CHD3: variants seen among roughly 807,000 people sequenced by gnomAD.
The protein encoded by CHD3 is ATP-dependent chromatin remodeler CHD3.
Under a neutral mutation model 248.9 loss-of-function variants are expected in CHD3, and 52 were observed. The ratio of observed to expected loss-of-function variants is 0.21; its 90% CI spans 0.17 to 0.26. The LOEUF is 0.26. CHD3 is among the 10% of genes least tolerant of loss of function. The pLI is 1.00. For synonymous variants in CHD3, 985 were observed against 985.2 expected (o/e 1.00, Z 0.00); for missense variants, 1,482 against 2,605.8 (o/e 0.57, Z 9.39).
In CHD3 at chr17:7,904,954, G is replaced by T; in HGVS notation, c.4073-146G>T. 1.4e-6 allele frequency: 1 copy of T among 740,126 alleles called. No individual in the cohort carries two copies. Among genetic ancestry groups the T allele is most frequent in the Non-Finnish European group, 2.3e-6 (1 of 426,810 alleles). 45.8% of individuals were successfully genotyped at this position (740,126 alleles called of 1,614,324 possible). A position where few individuals can be genotyped will look rare whatever the true frequency, so the allele number is the denominator to read the frequency against. ...ATATGCGGCTCCCAAGTCAGACTTT[G>T]GGCAGTGATCTGGTGTTCCCAGAAG... On this transcript the variant is annotated intron_variant, in intron 25 of 39. Coordinates refer to ENST00000330494, the MANE Select transcript of CHD3 (RefSeq NM_001005273.3). The surrounding 1 kb of genome is among the most constrained non-coding windows in gnomAD (Gnocchi z 4.4).
intron 10 of CHD3, among the ~76,000 whole-genome samples, chr17:7,896,193 A>T (rs1388935285): frequency 7.0e-6 from 1 of 143,206 alleles, no homozygotes; most frequent in Admixed American, 7.2e-5. Flanking sequence ...GTGTCCCTGC[A>T]CTTCAGCCTG....
Position 7,906,150 on chromosome 17 carries a change from G to A in CHD3, c.4358+161G>A. On this transcript the variant is annotated intron_variant, in intron 28 of 39. Coordinates refer to ENST00000330494, the MANE Select transcript of CHD3 (RefSeq NM_001005273.3). This position sits in a 1 kb window ranked among gnomAD's most constrained non-coding sequence, Gnocchi z 5.0. ...CTCGATTTCCTGGGGGGTGGTCTCA[G>A]CCCACTCCACCTCCCCTCAGCCGAG... 8.9e-7 allele frequency: 1 copy of A among 1,128,332 alleles called. No individual in the cohort carries two copies. The highest frequency in any genetic ancestry group is 1.3e-6 in the Non-Finnish European group (1 of 750,884). The allele number at this position is 1,128,332 out of a possible 1,614,324, so 69.9% of individuals were successfully genotyped here.
intron 6 of CHD3, 44 bp downstream of exon 6, chr17:7,893,979 A>C (rs201232886): frequency 5.7e-6 from 9 of 1,572,846 alleles, no homozygotes; most frequent in Non-Finnish European, 7.7e-6. Flanking sequence ...GGGGCCAAGG[A>C]TCCAGAGACA....
At chr17:7,892,939 T>C (rs2151489952) in intron 4 of CHD3, among the ~76,000 whole-genome samples, 1 of 152,004 alleles carries the variant, frequency 6.6e-6, no homozygotes, top group African/African-American at 2.4e-5. Flanking sequence ...CCCAGCTAAT[T>C]ATTTTTTTTT....
rs751264217 is a variant in CHD3 at position 7,893,934 on chromosome 17, C to T, written c.923C>T (p.Ser308Leu). ...GGTGGCAAGAGGAAGAAAGGAGGCT[C>T]GGTGAGTGACCCGTCCCTGTCTACT... ...LLGGKRKKGG[S>L]YVFQSDEGPE... The change falls in exon 6 of 40, where the codon TCG (serine) becomes TTG (leucine). Residue 308 changes from serine to leucine, a missense_variant and splice_region_variant. Physicochemically the swap from Ser to Leu is moderately radical, Grantham distance 145 (BLOSUM62 -2). Around this residue, in one of 20 missense-constraint regions of CHD3, gnomAD observed 149 missense variants for 182.6 expected, o/e 0.82. Coordinates refer to ENST00000330494, the MANE Select transcript of CHD3 (RefSeq NM_001005273.3). The T allele has an allele frequency of 3.7e-6, 6 of 1,614,006 alleles. No individual in the cohort carries two copies. The highest frequency in any genetic ancestry group is 2.2e-5 in the South Asian group (2 of 91,056).
Position 7,895,649 on chromosome 17 carries a change from A to C in CHD3, c.1707+107A>C. On this transcript the variant is annotated intron_variant, in intron 10 of 39. Coordinates refer to ENST00000330494, the MANE Select transcript of CHD3 (RefSeq NM_001005273.3). This position sits in a 1 kb window ranked among gnomAD's most constrained non-coding sequence, Gnocchi z 4.9. The stretch of plus-strand genomic sequence containing the variant: ...GTTCCCATACTCTTTGTTTTCTCTC[A>C]TTTCAGGCCTGTGGCCTTCATACCC... 9.7e-7 allele frequency: 1 copy of C among 1,034,136 alleles called. No individual in the cohort carries two copies. The highest frequency in any genetic ancestry group is 1.4e-6 in the Non-Finnish European group (1 of 690,292). The allele number at this position is 1,034,136 out of a possible 1,614,324, so 64.1% of individuals were successfully genotyped here.
rs898213680 is a variant in CHD3 at position 7,889,849 on chromosome 17, G to A, written c.213+73G>A. 5.7e-6 allele frequency: 8 copies of A among 1,412,458 alleles called. No homozygotes were observed. The highest frequency in any genetic ancestry group is 3.9e-5 in the Admixed American group (2 of 50,764). The allele number at this position is 1,412,458 out of a possible 1,614,324, so 87.5% of individuals were successfully genotyped here. ...TTCTCAGAGACCTACATTTTCTCTG[G>A]TCCTGATTACTGGTGTGGGGGTGGG... On this transcript the variant is annotated intron_variant, in intron 2 of 39. Coordinates refer to ENST00000330494, the MANE Select transcript of CHD3 (RefSeq NM_001005273.3). The surrounding 1 kb of genome is among the most constrained non-coding windows in gnomAD (Gnocchi z 4.5).
rs540601165 is a variant in CHD3 at position 7,908,529 on chromosome 17, G to A, written c.5261+19G>A. On this transcript the variant is annotated intron_variant, in intron 35 of 39. Transcript: ENST00000330494. This position sits in a 1 kb window ranked among gnomAD's most constrained non-coding sequence, Gnocchi z 5.8. ...TTGTCCTGTATCCTTTGATACACAT[G>A]CAAGAAGGAAAAGGTTCTCTCAAGC... 5.7e-5 allele frequency: 91 copies of A among 1,594,142 alleles called. 3 individuals carry two copies. The highest frequency in any genetic ancestry group is 3.9e-4 in the South Asian group (35 of 89,268).
chr17:7,888,722 G>A, upstream of CHD3: 2 of 889,660 alleles, frequency 2.2e-6, no homozygotes, highest in Non-Finnish European at 3.0e-6. Context: ...GTGTGTGTGG[G>A]TGTGGGTGCG....
At position 7,902,738 on chromosome 17, in the gene CHD3, T is replaced by TAG; in HGVS notation, c.3370+12_3370+13insGA. The TAG allele has an allele frequency of 1.9e-6, 3 of 1,608,194 alleles. No homozygotes were observed. Among genetic ancestry groups the TAG allele is most frequent in the Non-Finnish European group, 2.6e-6 (3 of 1,175,012 alleles). ...TCGATCGGTTTAATGGTGAGGGAGA[T>TAG]ACACTGGTCCCTGGTGGGTGTGGGA... On this transcript the variant is annotated intron_variant, in intron 21 of 39. Coordinates refer to ENST00000330494, the MANE Select transcript of CHD3 (RefSeq NM_001005273.3).
At chr17:7,885,715 C>T (rs1450061359), upstream of CHD3, among the ~76,000 whole-genome samples, 1 of 152,126 alleles carries the variant, frequency 6.6e-6, no homozygotes, top group African/African-American at 2.4e-5. Flanking sequence ...TCCATCGGAC[C>T]CCCCTCCACC....
chr17:7,909,020 G>T lies in CHD3; in HGVS notation c.5395-123G>T. The T allele has an allele frequency of 7.0e-7, 1 of 1,431,216 alleles. No homozygotes were observed. The highest frequency in any genetic ancestry group is 1.4e-5 in the African/African-American group (1 of 70,570). 88.7% of individuals were successfully genotyped at this position (1,431,216 alleles called of 1,614,324 possible). On this transcript the variant is annotated intron_variant, in intron 36 of 39. Transcript: ENST00000330494. The surrounding 1 kb of genome is among the most constrained non-coding windows in gnomAD (Gnocchi z 8.1). ...TTGCTGCTAGGTTCGCAGTCGGTTTGGAGCTGGGAGTGCCCTGGGCCAGCA... is the reference window on the plus strand; with the variant it reads ...TTGCTGCTAGGTTCGCAGTCGGTTTTGAGCTGGGAGTGCCCTGGGCCAGCA...
Position 7,908,808 on chromosome 17 carries a change from G to A in CHD3, c.5373G>A (p.Lys1791=), listed in dbSNP as rs991817080. The A allele has an allele frequency of 2.5e-6, 4 of 1,614,172 alleles. No homozygotes were observed. Among genetic ancestry groups the A allele is most frequent in the Admixed American group, 1.7e-5 (1 of 60,030 alleles). The change falls in exon 36 of 40, where the codon AAG becomes AAA. Residue 1791 remains lysine (K), a synonymous_variant. Coordinates refer to ENST00000330494, the MANE Select transcript of CHD3 (RefSeq NM_001005273.3). This position sits in a 1 kb window ranked among gnomAD's most constrained non-coding sequence, Gnocchi z 5.8. ...NKGNFLEMKN[K]FLARRFKLLE... Reference sequence around the variant, plus strand: ...GGAACTTTCTGGAGATGAAAAATAAGTTCCTGGCCCGGAGGTTCAAGGTGG... The same window carrying A: ...GGAACTTTCTGGAGATGAAAAATAAATTCCTGGCCCGGAGGTTCAAGGTGG...
rs1971132198 is a variant in CHD3, at chr17:7,907,556, A to G, written c.4925-45A>G. 2 of 1,526,892 alleles carry G rather than the reference A, an allele frequency of 1.3e-6. No homozygotes were observed. The highest frequency in any genetic ancestry group is 8.8e-7 in the Non-Finnish European group (1 of 1,137,812). 94.6% of individuals were successfully genotyped at this position (1,526,892 alleles called of 1,614,324 possible). ...GATTTCCCTCTTCTGGGGTCAGGGGATGAGGGTAACATCCTCCCTTCCTAT... is the reference window on the plus strand; with the variant it reads ...GATTTCCCTCTTCTGGGGTCAGGGGGTGAGGGTAACATCCTCCCTTCCTAT... On this transcript the variant is annotated intron_variant, in intron 32 of 39. Transcript: ENST00000330494. This position sits in a 1 kb window ranked among gnomAD's most constrained non-coding sequence, Gnocchi z 4.3.
chr17:7,909,695 A>C lies in CHD3; in HGVS notation c.5590+357A>C. 1 of 286,618 alleles carries C rather than the reference A, an allele frequency of 3.5e-6. No individual in the cohort carries two copies. The highest frequency in any genetic ancestry group is 6.6e-6 in the Non-Finnish European group (1 of 152,470). The allele number at this position is 286,618 out of a possible 1,614,324, so 17.8% of individuals were successfully genotyped here. ...GGGCCTTGGACTGTGAATGCACCAT[A>C]CAGATCCCTGGCTGTGATCAAACAA... On this transcript the variant is annotated intron_variant, in intron 37 of 39. Transcript: ENST00000330494. This position sits in a 1 kb window ranked among gnomAD's most constrained non-coding sequence, Gnocchi z 8.1.
chr17:7,899,227 G>A lies in CHD3; in HGVS notation c.2343+25G>A. 1.2e-6 allele frequency: 2 copies of A among 1,608,266 alleles called. No homozygotes were observed. Among genetic ancestry groups the A allele is most frequent in the Non-Finnish European group, 1.7e-6 (2 of 1,175,382 alleles). Reference sequence around the variant, plus strand: ...GGTGCTGGATTCTAGGACCTTGAAGGGGACCGCCTGGACTGGGGAAGTGGG... The same window carrying A: ...GGTGCTGGATTCTAGGACCTTGAAGAGGACCGCCTGGACTGGGGAAGTGGG... On this transcript the variant is annotated intron_variant, in intron 14 of 39. Transcript: ENST00000330494. This position sits in a 1 kb window ranked among gnomAD's most constrained non-coding sequence, Gnocchi z 6.8.
At chr17:7,891,103 T>C (rs1242012283) in intron 4 of CHD3, 39 bp downstream of exon 4, 1 of 1,608,398 alleles carries the variant, frequency 6.2e-7, no homozygotes, top group Non-Finnish European at 8.5e-7. Context: ...ATTGACACTT[T>C]TAATTTGAGG....
Position 7,906,773 on chromosome 17 carries a change from T to C in CHD3, c.4503+76T>C. On this transcript the variant is annotated intron_variant, in intron 29 of 39. Transcript: ENST00000330494. This position sits in a 1 kb window ranked among gnomAD's most constrained non-coding sequence, Gnocchi z 5.0. Reference sequence around the variant, plus strand: ...TCCTTCCTCTGCCTCTGTCCCTGAGTTGTAAGCTTGCGCTGGTGTGAGACG... The same window carrying C: ...TCCTTCCTCTGCCTCTGTCCCTGAGCTGTAAGCTTGCGCTGGTGTGAGACG... The C allele has an allele frequency of 1.3e-6, 2 of 1,586,752 alleles. No homozygotes were observed. Among genetic ancestry groups the C allele is most frequent in the Non-Finnish European group, 1.7e-6 (2 of 1,165,102 alleles).
At position 7,895,206 on chromosome 17, in the gene CHD3, T is replaced by C. The variant is rs532763641; in HGVS notation, c.1503+56T>C. ...CTGTCAGGCCTGATCCCTTCCCCCA[T>C]CCCTGGGGCCCACATGTCCAGCTTT... is the stretch of plus-strand genomic sequence containing the variant. On this transcript the variant is annotated intron_variant, in intron 9 of 39. Coordinates refer to ENST00000330494, the MANE Select transcript of CHD3 (RefSeq NM_001005273.3). The surrounding 1 kb of genome is among the most constrained non-coding windows in gnomAD (Gnocchi z 4.9). 6.3e-7 allele frequency: 1 copy of C among 1,590,280 alleles called. No homozygotes were observed. The highest frequency in any genetic ancestry group is 2.2e-5 in the East Asian group (1 of 44,596).
Sources: gnomAD v4.1 joint callset for allele counts (sites outside exome capture counted in the v4.1 genomes callset) on GRCh38, gnomAD v4.1.1 for gene constraint, gnomAD v4.1.1 regional missense constraint, Gnocchi (gnomAD v3.1) non-coding constraint, MANE v1.5 for transcripts, NCBI Gene and HGNC (gene_info 2026-07-23, HGNC 2026-07-21) for gene names.